The following DSG3 variants were observed in gnomAD, a reference collection of about 807,000 sequenced individuals.
DSG3 encodes desmoglein 3, also known as desmoglein-3.
In DSG3, 63 loss-of-function variants were observed where a neutral mutation model predicts 85.9. That is an observed-to-expected ratio of 0.73 (90% CI 0.60 to 0.90). The LOEUF (loss-of-function observed/expected upper bound fraction) is 0.90, where lower values mean the gene tolerates loss of function less well. DSG3 is among the 40% of genes least tolerant of loss of function. The pLI is 0.00. For missense variants in DSG3, 1,220 were observed against 1,219.9 expected, an observed-to-expected ratio of 1.00 and a Z score of 0.00; for synonymous variants, 447 against 441.9, an observed-to-expected ratio of 1.01 and a Z score of -0.14.
At chr18:31,456,252 T>C (rs1729116971) in intron 1 of DSG3, among the ~76,000 whole-genome samples, 188 bp from the exon 2 acceptor site, 1 of 152,254 alleles carries the variant, frequency 6.6e-6, no homozygotes, top group South Asian at 2.1e-4. Flanking sequence ...TGTGTTTATA[T>C]TGACAGTAAT....
chr18:31,470,834 A>C (rs1237015858), intron 12 of DSG3, among the ~76,000 whole-genome samples: 2 of 152,226 alleles, frequency 1.3e-5, no homozygotes, highest in Admixed American at 6.5e-5. Context: ...TTTCTGTTTT[A>C]GGAATCACAC....
chr18:31,469,403 G>C, intron 12 of DSG3, 54 bp downstream of exon 12: 1 of 1,600,330 alleles, frequency 6.2e-7, no homozygotes, highest in Non-Finnish European at 8.5e-7. Context: ...ATTTGCAAAG[G>C]CCTCCATGCT....
In DSG3 at chr18:31,458,540, A is replaced by G; in HGVS notation, c.312A>G (p.Lys104=). Residue 104 remains lysine (K), a synonymous_variant, in exon 4 of 16, where the codon AAA becomes AAG. Coordinates refer to ENST00000257189, the MANE Select transcript of DSG3 (RefSeq NM_001944.3). ...QPPFGIFVVD[K]NTGDINITAI... is the part of the protein sequence containing the mutation. Reference sequence around the variant, plus strand: ...CTTTTGGAATCTTTGTTGTTGACAAAAACACTGGAGATATTAACATAACAG... The same window carrying G: ...CTTTTGGAATCTTTGTTGTTGACAAGAACACTGGAGATATTAACATAACAG... 2.5e-6 allele frequency: 4 copies of G among 1,614,110 alleles called. No individual in the cohort carries two copies. The highest frequency in any genetic ancestry group is 2.2e-5 in the East Asian group (1 of 44,874).
intron 11 of DSG3, among the ~76,000 whole-genome samples, chr18:31,468,004 AC>A (rs1320339030): frequency 1.3e-5 from 2 of 152,242 alleles, no homozygotes; most frequent in African/African-American, 4.8e-5. Context: ...CACAAGACAT[AC>A]CTGCCCAGGT....
intron 1 of DSG3, among the ~76,000 whole-genome samples, chr18:31,454,054 C>T (rs2848700): frequency 2.0e-5 from 3 of 152,058 alleles, no homozygotes; most frequent in South Asian, 4.1e-4. Context: ...AAATACTATT[C>T]TAAATAATGT....
At chr18:31,459,354 T>C (rs775304209) in intron 5 of DSG3, among the ~76,000 whole-genome samples, 177 bp downstream of exon 5, 1 of 152,228 alleles carries the variant, frequency 6.6e-6, no homozygotes, top group African/African-American at 2.4e-5. Context: ...TTTGAGCTAA[T>C]TATTTACTAT....
intron 11 of DSG3, among the ~76,000 whole-genome samples, chr18:31,468,432 G>T (rs1598784416): frequency 6.6e-6 from 1 of 152,316 alleles, no homozygotes; most frequent in Middle Eastern, 3.4e-3. Context: ...GACTCTAAAT[G>T]ATGTCGCCCA....
At chr18:31,469,538 T>A (rs1226341469) in intron 12 of DSG3, among the ~76,000 whole-genome samples, 189 bp downstream of exon 12, 1 of 152,196 alleles carries the variant, frequency 6.6e-6, no homozygotes, top group Non-Finnish European at 1.5e-5. Flanking sequence ...CAGTCTATAT[T>A]CATATAGCAA....
chr18:31,451,296 T>C (rs1283513779), intron 1 of DSG3, among the ~76,000 whole-genome samples: 1 of 152,224 alleles, frequency 6.6e-6, no homozygotes, highest in Non-Finnish European at 1.5e-5. Context: ...TTGGACAATT[T>C]GCTATATAAC....
At chr18:31,457,583 TTCTTCTTTCTTTCTTTCTTTCTTTCTTTC>T (rs1568086490) in intron 3 of DSG3, among the ~76,000 whole-genome samples, 56 of 24,930 alleles carry the variant, frequency 2.2e-3, no homozygotes, top group South Asian at 5.0e-3. Flanking sequence ...CTTTCTTTCT[TTCTTCTTTCTTTCTTTCTTTCTTTCTTTC>T]TTTCTTTCTT....
At chr18:31,452,744 A>G (rs1243530185) in intron 1 of DSG3, among the ~76,000 whole-genome samples, 1 of 152,190 alleles carries the variant, frequency 6.6e-6, no homozygotes, top group East Asian at 1.9e-4. Context: ...CTGAAAGATT[A>G]AGGAATGTTC....
intron 15 of DSG3, among the ~76,000 whole-genome samples, chr18:31,475,114 G>C (rs1313933751): frequency 6.6e-6 from 1 of 152,154 alleles, no homozygotes; most frequent in African/African-American, 2.4e-5. Context: ...GCATAGAACA[G>C]AAAAGGAACA....
chr18:31,460,001 T>C lies in DSG3; in HGVS notation c.674T>C (p.Leu225Pro). Reference protein sequence around the residue: ...TGEVRTLTNSLDREQASSYRL... With the variant: ...TGEVRTLTNSPDREQASSYRL... ...GAAGTCCGTACTTTGACCAATTCTC[T>C]TGACCGAGAGGTACAGCAAAGCACT... The change falls in exon 6 of 16, where the codon CTT becomes CCT. Residue 225 changes from leucine to proline, a missense_variant. Physicochemically the swap from Leu to Pro is moderately conservative, Grantham distance 98. Transcript: ENST00000257189. 6.2e-7 allele frequency: 1 copy of C among 1,613,528 alleles called. No homozygotes were observed. The highest frequency in any genetic ancestry group is 1.1e-5 in the South Asian group (1 of 90,928).
chr18:31,473,396 G>A (rs1354815877), intron 14 of DSG3, among the ~76,000 whole-genome samples: 2 of 152,174 alleles, frequency 1.3e-5, no homozygotes, highest in African/African-American at 4.8e-5. Flanking sequence ...AATATTATCT[G>A]AGTGCCACAA....
At chr18:31,467,859 C>T (rs2072831575) in intron 11 of DSG3, among the ~76,000 whole-genome samples, 1 of 152,208 alleles carries the variant, frequency 6.6e-6, no homozygotes, top group Non-Finnish European at 1.5e-5. Flanking sequence ...GGTCATCTTT[C>T]CTTGGGCCCT....
chr18:31,475,890 G>A lies in DSG3; in HGVS notation c.2630G>A (p.Ser877Asn), dbSNP rs370660821. 76 of 1,614,074 alleles carry A rather than the reference G, an allele frequency of 4.7e-5. No individual in the cohort carries two copies. The highest frequency in any genetic ancestry group is 5.8e-5 in the Non-Finnish European group (68 of 1,180,054). The change falls in exon 16 of 16, where the codon AGC (serine) becomes AAC (asparagine). Residue 877 changes from serine to asparagine, a missense_variant. By Grantham distance (46) the Ser-to-Asn change is conservative. Coordinates refer to ENST00000257189, the MANE Select transcript of DSG3 (RefSeq NM_001944.3). ...GAAGTTCAGCCACCCTCTAAAGACA[G>A]CGGTTATGGGATTGAATCCTGTGGC... ...GKEVQPPSKD[S>N]GYGIESCGHP...
chr18:31,472,203 G>A, intron 12 of DSG3, 81 bp from the exon 13 acceptor site: 1 of 1,589,188 alleles, frequency 6.3e-7, no homozygotes, highest in Non-Finnish European at 8.6e-7. Context: ...TATTTTCTTT[G>A]TAACATTTCT....
chr18:31,458,797 T>C (rs2072765522), intron 4 of DSG3, among the ~76,000 whole-genome samples, 197 bp downstream of exon 4: 2 of 152,204 alleles, frequency 1.3e-5, no homozygotes, highest in Admixed American at 1.3e-4. Flanking sequence ...GGTTGAAATC[T>C]AGCACGCCAA....
At chr18:31,470,177 G>A (rs1454195595) in intron 12 of DSG3, among the ~76,000 whole-genome samples, 2 of 151,996 alleles carry the variant, frequency 1.3e-5, no homozygotes, top group African/African-American at 2.4e-5. Context: ...ATAAACAAGA[G>A]AAATCCTTGC....
Sources: gnomAD v4.1 joint callset for allele counts (sites outside exome capture counted in the v4.1 genomes callset) on GRCh38, gnomAD v4.1.1 for gene constraint, MANE v1.5 for transcripts, NCBI Gene and HGNC (gene_info 2026-07-23, HGNC 2026-07-21) for gene names.